Variants in IL22 observed in about 807,000 individuals in gnomAD.
IL22 encodes the protein interleukin 22, also known as interleukin-22.
A neutral mutation model predicts 15.5 loss-of-function variants in IL22; 15 were observed. The ratio of observed to expected loss-of-function variants is 0.97; its 90% CI spans 0.65 to 1.49. IL22 has a LOEUF of 1.49. IL22 is among the 40% of genes most tolerant of loss of function. The pLI, the probability that IL22 is intolerant of heterozygous loss-of-function variation, is 0.00. For missense variants in IL22, 225 were observed against 215.4 expected, an observed-to-expected ratio of 1.04 and a Z score of -0.28; for synonymous variants, 91 against 82.0, an observed-to-expected ratio of 1.11 and a Z score of -0.60.
At chr12:68,251,087 C>T (rs995624651) in intron 5 of IL22, among the ~76,000 whole-genome samples, 4 of 152,082 alleles carry the variant, frequency 2.6e-5, no homozygotes, top group Non-Finnish European at 5.9e-5. Flanking sequence ...TAAATTTGCC[C>T]ATAGGCATTT....
chr12:68,253,510 G>A lies in IL22; in HGVS notation c.-46-16C>T. The A allele has an allele frequency of 3.8e-6, 5 of 1,309,896 alleles. No homozygotes were observed. Among genetic ancestry groups the A allele is most frequent in the Non-Finnish European group, 4.2e-6 (4 of 954,432 alleles). The allele number at this position is 1,309,896 out of a possible 1,614,324, so 81.1% of individuals were successfully genotyped here. On this transcript the variant is annotated splice_polypyrimidine_tract_variant and intron_variant, in intron 1 of 5. Coordinates refer to ENST00000538666, the MANE Select transcript of IL22 (RefSeq NM_020525.5). ...GAAGGAGAACCTGGTCGAAGACAAC[G>A]TGAAGGAACAAAATTAGTCAAGAAG...
chr12:68,248,909 A>G (rs550212092), intron 5 of IL22, 33 bp from the exon 6 acceptor site: 1 of 1,531,512 alleles, frequency 6.5e-7, no homozygotes, highest in South Asian at 1.1e-5. Context: ...GTATTTGAGC[A>G]TTTATGCCAT....
Position 68,253,302 on chromosome 12 carries a change from C to T in IL22, c.147G>A (p.Gln49=), listed in dbSNP as rs994219995. 3 of 1,613,816 alleles carry T rather than the reference C, an allele frequency of 1.9e-6. No homozygotes were observed. The East Asian group carries it at 6.7e-5, about 36-fold the overall frequency. The stretch of plus-strand genomic sequence containing the variant: ...TGAAGGTGCGGTTGGTGATATAGGG[C>T]TGCTGGAAGTTGGACTTGTCAAGCC... ...HCRLDKSNFQ[Q]PYITNRTFML... is the part of the protein sequence containing the mutation. Residue 49 remains glutamine (Q), a synonymous_variant, in exon 2 of 6, where the codon CAG becomes CAA. Transcript: ENST00000538666.
chr12:68,252,079 C>A (rs938387228), intron 4 of IL22, among the ~76,000 whole-genome samples: 1 of 152,102 alleles, frequency 6.6e-6, no homozygotes, highest in African/African-American at 2.4e-5. Flanking sequence ...AACAGGGCAA[C>A]AGTCTGCCGA....
At chr12:68,249,247 A>G (rs993060999) in intron 5 of IL22, among the ~76,000 whole-genome samples, 1 of 152,180 alleles carries the variant, frequency 6.6e-6, no homozygotes, top group East Asian at 1.9e-4. Context: ...CTCCAAAACT[A>G]TCTATGACAG....
chr12:68,251,481 C>A (rs750250597), intron 5 of IL22, 32 bp downstream of exon 5: 2 of 1,489,560 alleles, frequency 1.3e-6, no homozygotes, highest in African/African-American at 2.8e-5. Flanking sequence ...TCTCCTATTG[C>A]ATGACTTAGC....
chr12:68,249,710 C>T (rs2227504), intron 5 of IL22, among the ~76,000 whole-genome samples: 2,489 of 152,232 alleles, frequency 0.016, 70 homozygotes, highest in African/African-American at 0.057. Flanking sequence ...CAAACTTAAT[C>T]GAAGAGGAAA....
At chr12:68,252,715 A>C in intron 3 of IL22, 49 bp downstream of exon 3, 1 of 1,611,714 alleles carries the variant, frequency 6.2e-7, no homozygotes, top group Non-Finnish European at 8.5e-7. Context: ...CCACCACCCC[A>C]AGTACCCATG....
rs1453266430 is a variant in IL22 at position 68,252,566 on chromosome 12, G to A, written c.334C>T (p.Gln112Ter). 1.2e-6 allele frequency: 2 copies of A among 1,614,052 alleles called. No individual in the cohort carries two copies. Among genetic ancestry groups the A allele is most frequent in the Admixed American group, 3.3e-5 (2 of 60,014 alleles). ...GGCACCACCTCCTGCATATAAGGCTGGAACCTATCAGATTGAGGGAACAGC... is the reference window on the plus strand; with the variant it reads ...GGCACCACCTCCTGCATATAAGGCTAGAACCTATCAGATTGAGGGAACAGC... Reference protein sequence around the residue: ...EVLFPQSDRFQPYMQEVVPFL... With the variant: ...EVLFPQSDRF The change falls in exon 4 of 6, where the codon CAG (glutamine) becomes TAG (stop). Residue 112 changes from glutamine to a stop codon, truncating the protein, a stop_gained. Coordinates refer to ENST00000538666, the MANE Select transcript of IL22 (RefSeq NM_020525.5). LOFTEE classifies it high-confidence loss of function.
intron 4 of IL22, among the ~76,000 whole-genome samples, chr12:68,252,168 C>T (rs1028374166): frequency 2.6e-5 from 4 of 152,160 alleles, no homozygotes; most frequent in African/African-American, 9.7e-5. Context: ...CCCTCAACAA[C>T]TTAGACTCAA....
intron 5 of IL22, 146 bp from the exon 6 acceptor site, chr12:68,249,022 A>G (rs938171204): frequency 3.1e-6 from 2 of 652,600 alleles, no homozygotes; most frequent in Non-Finnish European, 2.6e-6. Flanking sequence ...TCCCTTTAGT[A>G]TTGTATGATT....
rs978555064 is a variant in IL22 at position 68,252,612 on chromosome 12, C to T, written c.288G>A (p.Leu96=). ...SERCYLMKQV[L]NFTLEEVLFP... ...ACAGCACTTCTTCAAGGGTGAAGTT[C>T]AGCACCTGCTTCATCAGATAGCAGC... Residue 96 remains leucine (L), a synonymous_variant, in exon 4 of 6, where the codon CTG becomes CTA. Transcript: ENST00000538666. 3 of 1,614,002 alleles carry T rather than the reference C, an allele frequency of 1.9e-6. No homozygotes were observed. The Admixed American group carries it at 5.0e-5, about 27-fold the overall frequency.
chr12:68,251,592 A>G lies in IL22; in HGVS notation c.397-14T>C, dbSNP rs755225628. 3.1e-6 allele frequency: 5 copies of G among 1,588,072 alleles called. No individual in the cohort carries two copies. The highest frequency in any genetic ancestry group is 3.5e-6 in the Non-Finnish European group (4 of 1,156,412). ...ACCTTCAATATGCTATAAAACAATA[A>G]CAAGCATAACTATCTTAATGTTGTG... On this transcript the variant is annotated splice_polypyrimidine_tract_variant and intron_variant, in intron 4 of 5. Coordinates refer to ENST00000538666, the MANE Select transcript of IL22 (RefSeq NM_020525.5).
rs559220279 is a variant in IL22, at chr12:68,250,062, T to C, written c.463-1186A>G. On this transcript the variant is annotated intron_variant, in intron 5 of 5. Coordinates refer to ENST00000538666, the MANE Select transcript of IL22 (RefSeq NM_020525.5). ...CCTATTTCAGACAGCTCTGACAGTT[T>C]CTCCTCCTGTTGATCTTTCTCTGAA... 5.3e-5 allele frequency among the ~76,000 whole-genome samples: 8 copies of C among 152,276 alleles called. No homozygotes were observed. The South Asian group carries it at 1.5e-3, about 28-fold the overall frequency.
chr12:68,253,331 A>C lies in IL22; in HGVS notation c.118T>G (p.Cys40Gly). ...GGAAAPISSH[C>G]RLDKSNFQQP... is the part of the protein sequence containing the mutation. ...TGGAAGTTGGACTTGTCAAGCCTGC[A>C]GTGGGAGCTGATGGGCGCAGCTGCT... The change falls in exon 2 of 6, where the codon TGC becomes GGC. Residue 40 changes from cysteine to glycine, a missense_variant. Coordinates refer to ENST00000538666, the MANE Select transcript of IL22 (RefSeq NM_020525.5). 3 of 1,613,900 alleles carry C rather than the reference A, an allele frequency of 1.9e-6. No homozygotes were observed. The highest frequency in any genetic ancestry group is 2.5e-6 in the Non-Finnish European group (3 of 1,179,850).
chr12:68,250,999 A>G (rs1204306300), intron 5 of IL22, among the ~76,000 whole-genome samples: 1 of 152,236 alleles, frequency 6.6e-6, no homozygotes, highest in Non-Finnish European at 1.5e-5. Context: ...ATGCAAGTCC[A>G]GCTCTTTTCT....
intron 5 of IL22, among the ~76,000 whole-genome samples, chr12:68,249,201 C>T (rs938088450): frequency 1.5e-4 from 23 of 152,124 alleles, no homozygotes; most frequent in African/African-American, 5.3e-4. Flanking sequence ...TGGGGGATCC[C>T]GAGTGCCACC....
Position 68,248,544 on chromosome 12 carries a change from G to T in IL22, c.*255C>A, listed in dbSNP as rs188919450. ...TTATTTAAAAAATAAATTGTTTTCT[G>T]TGTATAGAACACCAGTTACAATGAA... is the stretch of plus-strand genomic sequence containing the variant. On this transcript the variant is annotated 3_prime_UTR_variant, in exon 6 of 6. Coordinates refer to ENST00000538666, the MANE Select transcript of IL22 (RefSeq NM_020525.5). The T allele has an allele frequency of 3.4e-3, 1,144 of 338,642 alleles. 11 individuals carry two copies. The highest frequency in any genetic ancestry group is 0.021 in the South Asian group (216 of 10,310). 21.0% of individuals were successfully genotyped at this position (338,642 alleles called of 1,614,324 possible). A position where few individuals can be genotyped will look rare whatever the true frequency, so the allele number is the denominator to read the frequency against.
In IL22 at chr12:68,248,773, T is replaced by C. The variant is rs780200539; in HGVS notation, c.*26A>G. On this transcript the variant is annotated 3_prime_UTR_variant, in exon 6 of 6. Coordinates refer to ENST00000538666, the MANE Select transcript of IL22 (RefSeq NM_020525.5). ...ATTTCTAGCAGGGAAAGGGGGTTAG[T>C]TATTCATTTTTCAGCTTTGCTCTGG... The C allele has an allele frequency of 6.4e-7, 1 of 1,570,170 alleles. No homozygotes were observed. Among genetic ancestry groups the C allele is most frequent in the Admixed American group, 1.7e-5 (1 of 58,970 alleles).
Sources: gnomAD v4.1 joint callset for allele counts (sites outside exome capture counted in the v4.1 genomes callset) on GRCh38, gnomAD v4.1.1 for gene constraint, MANE v1.5 for transcripts, NCBI Gene and HGNC (gene_info 2026-07-23, HGNC 2026-07-21) for gene names.